Variants in GDPD5 observed in about 807,000 individuals in gnomAD.
The protein encoded by GDPD5 is glycerophosphodiester phosphodiesterase domain containing 5.
Under a neutral mutation model 75.1 loss-of-function variants are expected in GDPD5, and 48 were observed. The observed-to-expected ratio is 0.64, with a 90% confidence interval of 0.51 to 0.81. The LOEUF (loss-of-function observed/expected upper bound fraction) is 0.81, where lower values mean the gene tolerates loss of function less well. Among genes scored for constraint, GDPD5 ranks in the 40% least tolerant of loss-of-function variants. The pLI is 0.00. For missense variants in GDPD5, 706 were observed against 822.6 expected (o/e 0.86, Z 1.73); for synonymous variants, 336 against 339.0 (o/e 0.99, Z 0.10).
At chr11:75,517,459 A>C (rs1438040306) in intron 1 of GDPD5, 1 of 152,032 alleles carries the variant, frequency 6.6e-6, no homozygotes, top group Non-Finnish European at 1.5e-5. Flanking sequence ...TGTCTCAAAA[A>C]AAAAAACCAA....
chr11:75,521,260 T>G (rs1364635488), intron 1 of GDPD5, among the ~76,000 whole-genome samples: 6 of 152,196 alleles, frequency 3.9e-5, no homozygotes, highest in Non-Finnish European at 2.9e-5. Flanking sequence ...ACACTGCCCT[T>G]CCTTAGCCTT....
chr11:75,503,305 G>A (rs943320094), intron 1 of GDPD5, among the ~76,000 whole-genome samples: 1 of 152,214 alleles, frequency 6.6e-6, no homozygotes, highest in Non-Finnish European at 1.5e-5. Flanking sequence ...ACAGGCATGA[G>A]CCACCACGCC....
chr11:75,517,923 T>C (rs936560107), intron 1 of GDPD5, among the ~76,000 whole-genome samples: 12 of 152,132 alleles, frequency 7.9e-5, no homozygotes, highest in East Asian at 3.9e-4. Flanking sequence ...CAAGGCTTCA[T>C]TGTTAAGGAG....
chr11:75,444,553 G>T, intron 9 of GDPD5, 58 bp from the exon 10 acceptor site: 1 of 1,294,320 alleles, frequency 7.7e-7, no homozygotes, highest in Non-Finnish European at 1.1e-6. Flanking sequence ...ACCCTCCCCA[G>T]CCAATGGAAA....
At chr11:75,469,345 C>T (rs1949604360) in intron 3 of GDPD5, among the ~76,000 whole-genome samples, 1 of 152,172 alleles carries the variant, frequency 6.6e-6, no homozygotes. Flanking sequence ...TCCTAAGAGC[C>T]CTTTACTTGC....
chr11:75,449,155 G>A, intron 8 of GDPD5, 33 bp from the exon 9 acceptor site: 1 of 1,551,268 alleles, frequency 6.4e-7, no homozygotes, highest in East Asian at 2.4e-5. Context: ...GCTGCCTGGT[G>A]AGCCCTGGGC....
chr11:75,467,505 G>A (rs2135321446), intron 3 of GDPD5, among the ~76,000 whole-genome samples: 2 of 152,322 alleles, frequency 1.3e-5, no homozygotes, highest in East Asian at 3.9e-4. Context: ...CCACCAGTGG[G>A]CAGGGCCATC....
At position 75,504,052 on chromosome 11, in the gene GDPD5, C is replaced by T. The variant is rs568000206; in HGVS notation, c.-144-13732G>A. On this transcript the variant is annotated intron_variant, in intron 1 of 16. Transcript: ENST00000336898. ...ACTGGCTGGGTGAACTTGAATGAGT[C>T]CCTGCCCCTCTCTGTGCACAGGTGC... Among the ~76,000 whole-genome samples, 4 of 152,330 alleles carry T rather than the reference C, an allele frequency of 2.6e-5. No homozygotes were observed. In the East Asian group the frequency reaches 5.8e-4, roughly 22 times the overall value.
rs577856169 is a variant in GDPD5 at position 75,516,160 on chromosome 11, T to C, written c.-145+9050A>G. 4 of 152,458 alleles carry C rather than the reference T, an allele frequency of 2.6e-5. No homozygotes were observed. In the East Asian group the frequency reaches 5.8e-4, roughly 22 times the overall value. 9.4% of individuals were successfully genotyped at this position (152,458 alleles called of 1,614,324 possible). A position where few individuals can be genotyped will look rare whatever the true frequency, so the allele number is the denominator to read the frequency against. Reference sequence around the variant, plus strand: ...AGGTACACCCAACAGGAAGCATAAATGGGGGACTGAAGGAAAGAGGAAAGA... The same window carrying C: ...AGGTACACCCAACAGGAAGCATAAACGGGGGACTGAAGGAAAGAGGAAAGA... On this transcript the variant is annotated intron_variant, in intron 1 of 16. Coordinates refer to ENST00000336898, the MANE Select transcript of GDPD5 (RefSeq NM_030792.8).
At chr11:75,510,560 G>T (rs11236445) in intron 1 of GDPD5, among the ~76,000 whole-genome samples, 1 of 152,060 alleles carries the variant, frequency 6.6e-6, no homozygotes, top group African/African-American at 2.4e-5. Flanking sequence ...CTCCTTACAG[G>T]GTCCTCATGA....
intron 2 of GDPD5, among the ~76,000 whole-genome samples, chr11:75,482,370 C>T (rs1021273828): frequency 6.6e-6 from 1 of 152,160 alleles, no homozygotes; most frequent in Non-Finnish European, 1.5e-5. Context: ...TCCACTCTCA[C>T]GGCTTTAGTT....
chr11:75,471,928 T>G (rs552178399), intron 3 of GDPD5, among the ~76,000 whole-genome samples: 84 of 152,172 alleles, frequency 5.5e-4, no homozygotes, highest in Non-Finnish European at 1.1e-3. Context: ...TTTCTTATCC[T>G]TATAGGAATC....
intron 3 of GDPD5, among the ~76,000 whole-genome samples, chr11:75,476,574 C>T (rs191731699): frequency 6.6e-6 from 1 of 152,124 alleles, no homozygotes; most frequent in Non-Finnish European, 1.5e-5. Flanking sequence ...CTAGTATTGG[C>T]GTTGCCAGGG....
Position 75,435,356 on chromosome 11 carries a change from C to T in GDPD5, c.*151G>A. ...GCCTCAGGAGACAGGGAGTCCCCCT[C>T]AAGAGAGGCTGCGGCTGACAAGGGG... On this transcript the variant is annotated 3_prime_UTR_variant, in exon 17 of 17. Coordinates refer to ENST00000336898, the MANE Select transcript of GDPD5 (RefSeq NM_030792.8). 1.5e-6 allele frequency: 1 copy of T among 664,872 alleles called. No individual in the cohort carries two copies. The highest frequency in any genetic ancestry group is 2.4e-6 in the Non-Finnish European group (1 of 411,384). 41.2% of individuals were successfully genotyped at this position (664,872 alleles called of 1,614,324 possible).
At chr11:75,440,123 A>G (rs540269) in intron 14 of GDPD5, among the ~76,000 whole-genome samples, 162 bp from the exon 15 acceptor site, 105,050 of 152,068 alleles carry the variant, frequency 0.69, 36,754 homozygotes, top group East Asian at 0.92. Context: ...TTGCAGGTGT[A>G]GGCTCCAGGC....
chr11:75,463,955 C>T (rs1008723902), intron 3 of GDPD5, among the ~76,000 whole-genome samples: 1 of 152,358 alleles, frequency 6.6e-6, no homozygotes. Context: ...CTGCTACCCT[C>T]GTGCCTGCCG....
chr11:75,444,269 G>T (rs1948922503), intron 10 of GDPD5, 144 bp downstream of exon 10: 1 of 639,596 alleles, frequency 1.6e-6, no homozygotes, highest in Non-Finnish European at 2.8e-6. Context: ...CAGGAACAGG[G>T]TGCCTGCCCT....
At chr11:75,493,696 T>A (rs1042661508) in intron 1 of GDPD5, among the ~76,000 whole-genome samples, 1 of 152,070 alleles carries the variant, frequency 6.6e-6, no homozygotes, top group African/African-American at 2.4e-5. Context: ...GGGGCCTAAG[T>A]GGCAAAAATA....
chr11:75,449,051 A>G lies in GDPD5; in HGVS notation c.640T>C (p.Ser214Pro). The G allele has an allele frequency of 6.2e-7, 1 of 1,603,456 alleles. No homozygotes were observed. The highest frequency in any genetic ancestry group is 2.3e-5 in the East Asian group (1 of 44,002). ...TTCTTCTCCATGATGCAGGGAGAGG[A>G]GATGGTGAGAGGGGCCAGGTAGAGG... ...FALYLAPLTI[S>P]SPCIMEKKDL... Residue 214 changes from serine to proline, a missense_variant, in exon 9 of 17, where the codon TCC becomes CCC. Coordinates refer to ENST00000336898, the MANE Select transcript of GDPD5 (RefSeq NM_030792.8).
Sources: gnomAD v4.1 joint callset for allele counts (sites outside exome capture counted in the v4.1 genomes callset) on GRCh38, gnomAD v4.1.1 for gene constraint, MANE v1.5 for transcripts, NCBI Gene and HGNC (gene_info 2026-07-23, HGNC 2026-07-21) for gene names.